Variants in SORCS3 observed in about 807,000 individuals in gnomAD.
SORCS3 encodes the protein sortilin related VPS10 domain containing receptor 3, also known as VPS10 domain-containing receptor SorCS3.
Under a neutral mutation model 146.3 loss-of-function variants are expected in SORCS3, and 57 were observed. The observed-to-expected ratio is 0.39, with a 90% CI of 0.31 to 0.49. SORCS3 has a LOEUF of 0.49. Among genes scored for constraint, SORCS3 ranks in the 20% least tolerant of loss-of-function variants. The probability of loss-of-function intolerance (pLI) is 0.92; values close to 1 mark genes in which losing one functional copy is unlikely to be tolerated. For synonymous variants in SORCS3, 653 were observed against 618.5 expected (o/e 1.06, Z -0.83); for missense variants, 1,341 against 1,575.5 (o/e 0.85, Z 2.52).
chr10:105,182,596 T>G (rs866413350), intron 14 of SORCS3, among the ~76,000 whole-genome samples: 24 of 152,274 alleles, frequency 1.6e-4, no homozygotes, highest in African/African-American at 5.5e-4. Flanking sequence ...TTCTTGATGT[T>G]AATTCACAAT....
chr10:105,057,733 G>T (rs1168912567), intron 5 of SORCS3, among the ~76,000 whole-genome samples: 3 of 152,214 alleles, frequency 2.0e-5, no homozygotes, highest in African/African-American at 7.2e-5. Context: ...GCCTAAAATA[G>T]ATTCTTCAAG....
At chr10:104,733,336 C>A (rs1034923394) in intron 1 of SORCS3, among the ~76,000 whole-genome samples, 6 of 152,050 alleles carry the variant, frequency 3.9e-5, no homozygotes, top group African/African-American at 1.2e-4. Flanking sequence ...TTCACTCTTT[C>A]ATCAAATCTT....
At chr10:105,107,313 A>ATTT (rs34529775) in intron 7 of SORCS3, among the ~76,000 whole-genome samples, 3 of 134,350 alleles carry the variant, frequency 2.2e-5, no homozygotes, top group African/African-American at 8.2e-5. Flanking sequence ...TTCTATTTAG[A>ATTT]TTTTTTTTTT....
At chr10:105,253,702 G>T (rs2056913985) in intron 23 of SORCS3, among the ~76,000 whole-genome samples, 1 of 152,202 alleles carries the variant, frequency 6.6e-6, no homozygotes, top group Non-Finnish European at 1.5e-5. Context: ...TCATTGTACA[G>T]ACATATTTTG....
chr10:104,833,119 T>G (rs1468624796), intron 1 of SORCS3, among the ~76,000 whole-genome samples: 1 of 152,228 alleles, frequency 6.6e-6, no homozygotes, highest in Admixed American at 6.5e-5. Flanking sequence ...ATGACTGTAT[T>G]TCATTTGCTG....
chr10:105,217,168 C>T, intron 19 of SORCS3, 46 bp downstream of exon 19: 3 of 1,596,716 alleles, frequency 1.9e-6, no homozygotes, highest in Non-Finnish European at 2.6e-6. Context: ...TCCCAGTTGG[C>T]AACTTGCTCT....
chr10:104,793,241 T>C (rs913842122), intron 1 of SORCS3, among the ~76,000 whole-genome samples: 6 of 152,078 alleles, frequency 3.9e-5, no homozygotes, highest in African/African-American at 1.4e-4. Context: ...AAATAATGAG[T>C]CTATATTCTT....
At chr10:105,016,950 A>G (rs1466410034) in intron 4 of SORCS3, among the ~76,000 whole-genome samples, 3 of 152,170 alleles carry the variant, frequency 2.0e-5, no homozygotes, top group Non-Finnish European at 4.4e-5. Flanking sequence ...ATGTATTTAA[A>G]CTGATTTGAC....
chr10:105,185,243 T>A (rs189477065), intron 14 of SORCS3, among the ~76,000 whole-genome samples: 4 of 152,328 alleles, frequency 2.6e-5, no homozygotes, highest in Admixed American at 6.5e-5. Context: ...CTTTCTCATT[T>A]CCTTATATTG....
chr10:105,011,779 T>C (rs1329637331), intron 4 of SORCS3, among the ~76,000 whole-genome samples: 5 of 152,320 alleles, frequency 3.3e-5, no homozygotes, highest in South Asian at 2.1e-4. Context: ...CCAGTGTTTA[T>C]TGAACACTGA....
intron 8 of SORCS3, among the ~76,000 whole-genome samples, chr10:105,139,787 G>A (rs1275611028): frequency 1.3e-5 from 2 of 152,050 alleles, no homozygotes; most frequent in Non-Finnish European, 2.9e-5. Flanking sequence ...TCCTCTGAGG[G>A]GCTCTCCCTT....
chr10:104,747,866 C>G (rs1312000563), intron 1 of SORCS3, among the ~76,000 whole-genome samples: 1 of 152,234 alleles, frequency 6.6e-6, no homozygotes. Context: ...GCACCTTGAA[C>G]AGCACTGGGT....
chr10:104,753,476 A>G (rs948504676), intron 1 of SORCS3, among the ~76,000 whole-genome samples: 2 of 152,190 alleles, frequency 1.3e-5, no homozygotes, highest in Admixed American at 1.3e-4. Flanking sequence ...TGAAAGATGC[A>G]CTGAATATAA....
chr10:105,239,788 G>A (rs3011667), intron 20 of SORCS3, among the ~76,000 whole-genome samples: 149,620 of 152,304 alleles, frequency 0.98, 73,559 homozygotes, highest in East Asian at 1. Flanking sequence ...TATTTGAGTA[G>A]ATGAACCTTA....
At chr10:104,971,914 T>C (rs1023813243) in intron 3 of SORCS3, among the ~76,000 whole-genome samples, 4 of 152,190 alleles carry the variant, frequency 2.6e-5, no homozygotes, top group African/African-American at 7.2e-5. Context: ...AAGGCTGCTA[T>C]GAGTTTAAAT....
intron 1 of SORCS3, among the ~76,000 whole-genome samples, chr10:104,836,440 C>T (rs1322523803): frequency 1.3e-5 from 2 of 152,018 alleles, no homozygotes; most frequent in South Asian, 2.1e-4. Context: ...GCTGGTGTTG[C>T]GTGTGTCTGA....
At chr10:104,998,725 A>G (rs73334054) in intron 4 of SORCS3, among the ~76,000 whole-genome samples, 11,372 of 152,216 alleles carry the variant, frequency 0.075, 475 homozygotes, top group African/African-American at 0.1. Flanking sequence ...AGAGGAGGCC[A>G]GCTGGGTAAT....
At chr10:104,807,831 CAG>C (rs553128310) in intron 1 of SORCS3, among the ~76,000 whole-genome samples, 308 of 152,096 alleles carry the variant, frequency 2.0e-3, no homozygotes, top group Middle Eastern at 0.01. Flanking sequence ...GTCCTCACAC[CAG>C]AAAAAAAGGC....
intron 4 of SORCS3, among the ~76,000 whole-genome samples, chr10:104,989,699 T>C (rs992662325): frequency 6.6e-6 from 1 of 152,144 alleles, no homozygotes; most frequent in Non-Finnish European, 1.5e-5. Context: ...AGGGAAATGC[T>C]GCAGATGGGG....
Sources: gnomAD v4.1 joint callset for allele counts (sites outside exome capture counted in the v4.1 genomes callset) on GRCh38, gnomAD v4.1.1 for gene constraint, MANE v1.5 for transcripts, NCBI Gene and HGNC (gene_info 2026-07-23, HGNC 2026-07-21) for gene names.